TBC1D1: variants seen among roughly 807,000 people sequenced by gnomAD.
TBC1D1 encodes TBC1 domain family member 1.
Under a neutral mutation model 125.6 loss-of-function variants are expected in TBC1D1, and 89 were observed. The observed-to-expected ratio is 0.71, with a 90% CI of 0.60 to 0.85. The LOEUF (loss-of-function observed/expected upper bound fraction) is 0.85, where lower values mean the gene tolerates loss of function less well. Among genes scored for constraint, TBC1D1 ranks in the 40% least tolerant of loss-of-function variants. The pLI is 0.00. For synonymous variants in TBC1D1, 565 were observed against 564.1 expected (o/e 1.00, Z -0.02); for missense variants, 1,377 against 1,469.2 (o/e 0.94, Z 1.03).
intron 2 of TBC1D1, among the ~76,000 whole-genome samples, chr4:37,931,333 G>T (rs1723213557): frequency 6.6e-6 from 1 of 152,068 alleles, no homozygotes; most frequent in Non-Finnish European, 1.5e-5. Context: ...CTGACCTCAA[G>T]CTATCCACCT....
At chr4:37,992,370 G>A (rs1185298234) in intron 2 of TBC1D1, among the ~76,000 whole-genome samples, 1 of 152,138 alleles carries the variant, frequency 6.6e-6, no homozygotes, top group Non-Finnish European at 1.5e-5. Flanking sequence ...CCACTTACCA[G>A]GTTTTGAGCC....
At chr4:37,980,007 G>C (rs974804843) in intron 2 of TBC1D1, among the ~76,000 whole-genome samples, 1 of 152,156 alleles carries the variant, frequency 6.6e-6, no homozygotes, top group East Asian at 1.9e-4. Flanking sequence ...TTGAAGTCCC[G>C]ACCTCAGGTG....
chr4:38,082,436 C>A (rs1036106572), intron 12 of TBC1D1, among the ~76,000 whole-genome samples: 7 of 152,210 alleles, frequency 4.6e-5, no homozygotes, highest in African/African-American at 1.7e-4. Flanking sequence ...CAAACTGTTA[C>A]AAAGATCAGC....
In TBC1D1 at chr4:37,905,814, G is replaced by A. The variant is rs115458506; in HGVS notation, c.417+3302G>A. Among the ~76,000 whole-genome samples the A allele has an allele frequency of 3.1e-3, 469 of 152,302 alleles. 4 individuals carry two copies. Among genetic ancestry groups the A allele is most frequent in the African/African-American group, 0.011 (445 of 41,568 alleles). ...TAAATTTGTCTTGATCTTTAGGATT[G>A]CGCTGGTAAAACTATGTTTCATCAC... On this transcript the variant is annotated intron_variant, in intron 2 of 19. Coordinates refer to ENST00000261439, the MANE Select transcript of TBC1D1 (RefSeq NM_015173.4).
intron 2 of TBC1D1, among the ~76,000 whole-genome samples, chr4:37,928,421 A>T (rs1722558256): frequency 6.6e-6 from 1 of 152,098 alleles, no homozygotes. Flanking sequence ...ATATGTTGAT[A>T]TCAGAGTCAA....
intron 17 of TBC1D1, among the ~76,000 whole-genome samples, chr4:38,119,514 G>GT (rs907201156): frequency 6.0e-5 from 9 of 149,654 alleles, no homozygotes; most frequent in African/African-American, 2.2e-4. Flanking sequence ...TTATACCATG[G>GT]TTAAAAAAAA....
intron 2 of TBC1D1, among the ~76,000 whole-genome samples, chr4:37,916,833 T>C (rs1201161753): frequency 6.6e-6 from 1 of 152,178 alleles, no homozygotes; most frequent in Non-Finnish European, 1.5e-5. Flanking sequence ...TGCAGTGGCA[T>C]GATCTCTGCA....
chr4:37,909,217 T>A (rs947605240), intron 2 of TBC1D1, among the ~76,000 whole-genome samples: 3 of 152,190 alleles, frequency 2.0e-5, no homozygotes, highest in Non-Finnish European at 4.4e-5. Context: ...GGCTGCATGT[T>A]ACCTCGCATA....
At chr4:37,976,253 T>C (rs1407405979) in intron 2 of TBC1D1, among the ~76,000 whole-genome samples, 1 of 152,210 alleles carries the variant, frequency 6.6e-6, no homozygotes, top group Non-Finnish European at 1.5e-5. Context: ...TGAATGAGCA[T>C]GGAAGTGGAT....
chr4:38,090,715 T>A (rs1048013918), intron 13 of TBC1D1, among the ~76,000 whole-genome samples: 2 of 152,220 alleles, frequency 1.3e-5, no homozygotes, highest in Non-Finnish European at 2.9e-5. Flanking sequence ...TAGCTTAAGA[T>A]GCAAAGTTTA....
chr4:37,901,789 C>T (rs1361977130), intron 1 of TBC1D1, among the ~76,000 whole-genome samples: 1 of 82,660 alleles, frequency 1.2e-5, no homozygotes, highest in African/African-American at 4.4e-5. Flanking sequence ...CCAGTGGGCT[C>T]TTTGTTACCT....
At chr4:38,043,542 C>T (rs999917795) in intron 8 of TBC1D1, among the ~76,000 whole-genome samples, 15 of 151,270 alleles carry the variant, frequency 9.9e-5, no homozygotes, top group Non-Finnish European at 8.8e-5. Flanking sequence ...ATGATTGTGG[C>T]CCTGTACTCC....
intron 12 of TBC1D1, among the ~76,000 whole-genome samples, chr4:38,079,880 A>T (rs1756254290): frequency 1.3e-5 from 2 of 152,362 alleles, no homozygotes; most frequent in South Asian, 4.1e-4. Context: ...TGAAATATCC[A>T]ATTAAGGTAA....
chr4:37,894,216 C>T (rs761189125), intron 1 of TBC1D1, among the ~76,000 whole-genome samples: 2 of 151,992 alleles, frequency 1.3e-5, no homozygotes, highest in Non-Finnish European at 2.9e-5. Context: ...CTTGAACTCC[C>T]GACCTTGTGA....
intron 2 of TBC1D1, among the ~76,000 whole-genome samples, chr4:37,956,111 C>T (rs1471207159): frequency 6.6e-6 from 1 of 151,572 alleles, no homozygotes; most frequent in Non-Finnish European, 1.5e-5. Flanking sequence ...ACTGCAACAT[C>T]TGCCTCCCAG....
chr4:37,904,215 AATTTTACTAGAGGCAG>A (rs138131924), intron 2 of TBC1D1, among the ~76,000 whole-genome samples: 1 of 152,038 alleles, frequency 6.6e-6, no homozygotes, highest in African/African-American at 2.4e-5. Context: ...CATTCAAGAA[AATTTTACTAGAGGCAG>A]ATTATATGCT....
chr4:38,094,521 T>A (rs1283026985), intron 13 of TBC1D1, among the ~76,000 whole-genome samples: 4 of 152,230 alleles, frequency 2.6e-5, no homozygotes, highest in Non-Finnish European at 5.9e-5. Context: ...CTGCACCATC[T>A]GCCTTGGTTG....
Position 37,891,092 on chromosome 4 carries a change from CGGCTG to C in TBC1D1, c.-349_-345del. The C allele has an allele frequency of 1.3e-5, 2 of 157,202 alleles. No individual in the cohort carries two copies. The highest frequency in any genetic ancestry group is 2.7e-5 in the Non-Finnish European group (2 of 73,772). 9.7% of individuals were successfully genotyped at this position (157,202 alleles called of 1,614,324 possible). ...TCCTCCTCCTCCTCCTCCTCCTCTT[CGGCTG>C]CTGCTCCTGGTGCCGCCACCGTCCG... On this transcript the variant is annotated 5_prime_UTR_variant, in exon 1 of 20. Transcript: ENST00000261439.
chr4:38,045,698 G>A (rs1749309565), intron 9 of TBC1D1, 119 bp from the exon 10 acceptor site: 2 of 688,980 alleles, frequency 2.9e-6, no homozygotes, highest in Admixed American at 4.7e-5. Flanking sequence ...ATCCTTAGTA[G>A]CATTTCTCAG....
Sources: allele counts gnomAD v4.1 joint callset (sites outside exome capture counted in the v4.1 genomes callset), GRCh38; gene constraint gnomAD v4.1.1; transcripts MANE v1.5; gene names NCBI Gene and HGNC (gene_info 2026-07-23, HGNC 2026-07-21).